TBC1D4: variants seen among roughly 807,000 people sequenced by gnomAD.
TBC1D4 encodes the protein TBC1 domain family member 4.
A neutral mutation model predicts 142.5 loss-of-function variants in TBC1D4; 121 were observed. The ratio of observed to expected loss-of-function variants is 0.85; its 90% CI spans 0.73 to 0.99. The LOEUF (loss-of-function observed/expected upper bound fraction) is 0.99, where lower values mean the gene tolerates loss of function less well. Ranked by LOEUF, TBC1D4 falls within the 50% of genes least tolerant of loss-of-function variation. The pLI, the probability that TBC1D4 is intolerant of heterozygous loss-of-function variation, is 0.00. For missense variants in TBC1D4, 1,475 were observed against 1,606.6 expected (o/e 0.92, Z 1.40); for synonymous variants, 630 against 628.2 (o/e 1.00, Z -0.04).
At chr13:75,294,425 T>C (rs1296292275) in intron 18 of TBC1D4, among the ~76,000 whole-genome samples, 1 of 152,208 alleles carries the variant, frequency 6.6e-6, no homozygotes, top group Non-Finnish European at 1.5e-5. Flanking sequence ...GGTTAAGAAA[T>C]GCCATTAGAA....
At chr13:75,474,614 A>AGTAC (rs111417540) in intron 1 of TBC1D4, among the ~76,000 whole-genome samples, 119,137 of 151,594 alleles carry the variant, frequency 0.79, 48,275 homozygotes, top group East Asian at 0.97. Flanking sequence ...TGCTTCTACC[A>AGTAC]AGGTCTTGTG....
Position 75,481,756 on chromosome 13 carries a change from G to T in TBC1D4, c.12C>A (p.Pro4=). 6.3e-7 allele frequency: 1 copy of T among 1,585,336 alleles called. No individual in the cohort carries two copies. The change falls in exon 1 of 21, where the codon CCC becomes CCA. Residue 4 remains proline, a synonymous_variant. Transcript: ENST00000377636. Reference sequence around the variant, plus strand: ...GGAACGGCTCATCCTGAATGCAGCTGGGCGGCTCCATAACTCTCGCCTCAC... The same window carrying T: ...GGAACGGCTCATCCTGAATGCAGCTTGGCGGCTCCATAACTCTCGCCTCAC... MEP[P]SCIQDEPFPH...
chr13:75,301,215 C>T (rs1876509070), intron 16 of TBC1D4, among the ~76,000 whole-genome samples: 1 of 151,804 alleles, frequency 6.6e-6, no homozygotes, highest in African/African-American at 2.4e-5. Flanking sequence ...GGTCAAATGC[C>T]AATATATAAT....
chr13:75,440,478 T>C (rs1269769212), intron 1 of TBC1D4, among the ~76,000 whole-genome samples: 1 of 151,998 alleles, frequency 6.6e-6, no homozygotes, highest in African/African-American at 2.4e-5. Flanking sequence ...AGACTGAACA[T>C]GAAGGAATAC....
chr13:75,302,212 T>C (rs1876633374), intron 16 of TBC1D4, 31 bp downstream of exon 16: 3 of 1,613,818 alleles, frequency 1.9e-6, no homozygotes, highest in African/African-American at 2.7e-5. Flanking sequence ...CTGTTTACTT[T>C]TGTAAATTAT....
intron 17 of TBC1D4, among the ~76,000 whole-genome samples, chr13:75,298,576 C>G (rs1876188510): frequency 6.6e-6 from 1 of 152,096 alleles, no homozygotes; most frequent in South Asian, 2.1e-4. Flanking sequence ...CATGGTGAAA[C>G]CCCATCTCTA....
At chr13:75,391,983 TTCA>T (rs923771815) in intron 1 of TBC1D4, among the ~76,000 whole-genome samples, 5 of 152,188 alleles carry the variant, frequency 3.3e-5, no homozygotes, top group African/African-American at 1.2e-4. Context: ...TTTCCAGTCT[TTCA>T]TCATTTCTTT....
Position 75,302,414 on chromosome 13 carries a change from A to C in TBC1D4, c.2753-13T>G. The C allele has an allele frequency of 6.2e-7, 1 of 1,614,120 alleles. No individual in the cohort carries two copies. Among genetic ancestry groups the C allele is most frequent in the Middle Eastern group, 1.6e-4 (1 of 6,062 alleles). ...CTTTTGGGAACTCCTACAATGAAGG[A>C]GATAAATAACCAAGGCCTTGAACTC... On this transcript the variant is annotated splice_polypyrimidine_tract_variant and intron_variant, in intron 15 of 20. Transcript: ENST00000377636.
chr13:75,331,941 A>C (rs1432349889), intron 8 of TBC1D4, among the ~76,000 whole-genome samples: 1 of 152,172 alleles, frequency 6.6e-6, no homozygotes, highest in Non-Finnish European at 1.5e-5. Context: ...CTGCCCAAAA[A>C]GTGCAATCTG....
At position 75,355,132 on chromosome 13, in the gene TBC1D4, T is replaced by C. The variant is rs518760; in HGVS notation, c.1275+1015A>G. 2.4e-3 allele frequency among the ~76,000 whole-genome samples: 363 copies of C among 152,318 alleles called. 2 individuals are homozygous for C. Among genetic ancestry groups the C allele is most frequent in the African/African-American group, 8.1e-3 (338 of 41,564 alleles). Reference sequence around the variant, plus strand: ...CTAACCTCAGTGTCCACACTGGGAATGTGGAAGGCGAGAGTCGGGCAGGGA... The same window carrying C: ...CTAACCTCAGTGTCCACACTGGGAACGTGGAAGGCGAGAGTCGGGCAGGGA... On this transcript the variant is annotated intron_variant, in intron 4 of 20. Coordinates refer to ENST00000377636, the MANE Select transcript of TBC1D4 (RefSeq NM_014832.5).
chr13:75,294,793 A>C, intron 18 of TBC1D4, 61 bp downstream of exon 18: 1 of 1,569,880 alleles, frequency 6.4e-7, no homozygotes. Flanking sequence ...TATGGCTAGA[A>C]GTAGAAGTAT....
At chr13:75,380,386 T>C (rs1170567592) in intron 1 of TBC1D4, among the ~76,000 whole-genome samples, 4 of 151,706 alleles carry the variant, frequency 2.6e-5, no homozygotes, top group African/African-American at 9.7e-5. Context: ...GGCAAGAGAC[T>C]CACTTGAACC....
chr13:75,296,761 G>C (rs982826004), intron 17 of TBC1D4, among the ~76,000 whole-genome samples: 6 of 152,088 alleles, frequency 3.9e-5, no homozygotes, highest in Admixed American at 1.3e-4. Flanking sequence ...AAGATATAAT[G>C]TCTTTATGCT....
At chr13:75,473,327 T>C (rs1888494674) in intron 1 of TBC1D4, among the ~76,000 whole-genome samples, 1 of 152,150 alleles carries the variant, frequency 6.6e-6, no homozygotes, top group Non-Finnish European at 1.5e-5. Flanking sequence ...AACCCATTAT[T>C]AAAAATATAT....
Position 75,341,254 on chromosome 13 carries a change from A to G in TBC1D4, c.1501-19T>C. On this transcript the variant is annotated intron_variant, in intron 6 of 20. Coordinates refer to ENST00000377636, the MANE Select transcript of TBC1D4 (RefSeq NM_014832.5). ...TCATTTTCTGTTCAACAGACAAACC[A>G]AAAGAACACTATGGCAACACCACTT... 1 of 1,599,504 alleles carries G rather than the reference A, an allele frequency of 6.3e-7. No individual in the cohort carries two copies. The highest frequency in any genetic ancestry group is 8.6e-7 in the Non-Finnish European group (1 of 1,166,938).
intron 20 of TBC1D4, among the ~76,000 whole-genome samples, chr13:75,287,735 A>G (rs1046869364): frequency 1.3e-5 from 2 of 152,200 alleles, no homozygotes; most frequent in African/African-American, 4.8e-5. Context: ...TAGTGTTCCC[A>G]TTCTTGGGAA....
intron 1 of TBC1D4, among the ~76,000 whole-genome samples, chr13:75,454,533 T>A (rs1344470577): frequency 6.6e-6 from 1 of 152,266 alleles, no homozygotes; most frequent in Non-Finnish European, 1.5e-5. Flanking sequence ...AAAAATTGCT[T>A]CCAACTTTTA....
chr13:75,374,953 T>C lies in TBC1D4; in HGVS notation c.499-12346A>G, dbSNP rs185158259. ...CCCTCCCCCAGGTCCAATCTTCCCA[T>C]CCACCTGCCTCCAAAGTAGCCACAA... On this transcript the variant is annotated intron_variant, in intron 1 of 20. Transcript: ENST00000377636. Among the ~76,000 whole-genome samples, 3 of 152,204 alleles carry C rather than the reference T, an allele frequency of 2.0e-5. No homozygotes were observed. The East Asian group carries it at 5.8e-4, about 29-fold the overall frequency.
At chr13:75,337,527 C>A (rs1236316243) in intron 7 of TBC1D4, among the ~76,000 whole-genome samples, 1 of 152,158 alleles carries the variant, frequency 6.6e-6, no homozygotes, top group Non-Finnish European at 1.5e-5. Context: ...TCTTAGATCA[C>A]AAGTATAGAA....
Sources: gnomAD v4.1 joint callset for allele counts (sites outside exome capture counted in the v4.1 genomes callset) on GRCh38, gnomAD v4.1.1 for gene constraint, MANE v1.5 for transcripts, NCBI Gene and HGNC (gene_info 2026-07-23, HGNC 2026-07-21) for gene names.